EYA3: variants seen among roughly 807,000 people sequenced by gnomAD.
The protein encoded by EYA3 is EYA transcriptional coactivator and phosphatase 3, also known as protein phosphatase EYA3.
In EYA3, 39 loss-of-function variants were observed where a neutral mutation model predicts 80.0. That is an observed-to-expected ratio of 0.49 (90% CI 0.38 to 0.64). The LOEUF (loss-of-function observed/expected upper bound fraction) is 0.64, where lower values mean the gene tolerates loss of function less well. Ranked by LOEUF, EYA3 falls within the 30% of genes least tolerant of loss-of-function variation. The pLI is 0.00. For missense variants in EYA3, 523 were observed against 676.1 expected (o/e 0.77, Z 2.51); for synonymous variants, 206 against 232.8 (o/e 0.88, Z 1.05).
intron 6 of EYA3, among the ~76,000 whole-genome samples, chr1:28,034,600 C>A (rs899686489): frequency 6.6e-6 from 1 of 152,052 alleles, no homozygotes; most frequent in Non-Finnish European, 1.5e-5. Flanking sequence ...CTAGCAGTTA[C>A]CAGGAGCCAA....
chr1:28,073,123 ATATATT>A (rs1389237005), intron 1 of EYA3, among the ~76,000 whole-genome samples: 18 of 41,118 alleles, frequency 4.4e-4, no homozygotes, highest in African/African-American at 2.2e-3. Flanking sequence ...ATATATATAT[ATATATT>A]TTTTTTTTTT....
chr1:28,064,345 G>A (rs547649163), intron 1 of EYA3, among the ~76,000 whole-genome samples: 5 of 148,430 alleles, frequency 3.4e-5, no homozygotes, highest in African/African-American at 1.0e-4. Context: ...TAGGTAGAGA[G>A]GGAAGCAAGC....
intron 10 of EYA3, among the ~76,000 whole-genome samples, chr1:28,006,510 T>A (rs1457485337): frequency 6.6e-6 from 1 of 151,932 alleles, no homozygotes; most frequent in Non-Finnish European, 1.5e-5. Context: ...ATAGAGACCA[T>A]CCTCGCTAAC....
intron 16 of EYA3, among the ~76,000 whole-genome samples, chr1:27,979,812 T>C (rs1467493596): frequency 6.6e-6 from 1 of 152,182 alleles, no homozygotes; most frequent in African/African-American, 2.4e-5. Flanking sequence ...TTGACTGCCA[T>C]CTGCTGGAAA....
At chr1:28,007,076 G>C (rs1425876828) in intron 10 of EYA3, among the ~76,000 whole-genome samples, 2 of 151,306 alleles carry the variant, frequency 1.3e-5, no homozygotes, top group Admixed American at 6.6e-5. Flanking sequence ...AAGTAGCTGG[G>C]ATTACAGGTG....
At chr1:27,985,418 T>C (rs116836793) in intron 16 of EYA3, among the ~76,000 whole-genome samples, 1 of 150,832 alleles carries the variant, frequency 6.6e-6, no homozygotes, top group Non-Finnish European at 1.5e-5. Flanking sequence ...TTAGAAGGAG[T>C]TGATCACTCT....
intron 6 of EYA3, among the ~76,000 whole-genome samples, chr1:28,035,169 T>A (rs1174008080): frequency 6.6e-6 from 1 of 152,116 alleles, no homozygotes; most frequent in Admixed American, 6.5e-5. Context: ...CAGAGCAAAC[T>A]ATGATACATA....
chr1:28,014,472 A>C (rs946290237), intron 8 of EYA3, among the ~76,000 whole-genome samples: 4 of 151,148 alleles, frequency 2.6e-5, no homozygotes, highest in Non-Finnish European at 4.4e-5. Context: ...TCACGCCTAT[A>C]ATTCCAGCAC....
At chr1:28,015,168 C>T (rs1231426254) in intron 8 of EYA3, among the ~76,000 whole-genome samples, 1 of 152,146 alleles carries the variant, frequency 6.6e-6, no homozygotes, top group African/African-American at 2.4e-5. Context: ...AAATACAGAA[C>T]AGACAACTAT....
intron 7 of EYA3, among the ~76,000 whole-genome samples, chr1:28,026,702 T>G (rs986551474): frequency 1.3e-5 from 2 of 151,794 alleles, no homozygotes; most frequent in African/African-American, 4.8e-5. Flanking sequence ...TCTTTCAAGT[T>G]TCTCCCTCCT....
intron 6 of EYA3, among the ~76,000 whole-genome samples, chr1:28,032,502 C>T (rs1421364915): frequency 6.6e-6 from 1 of 152,034 alleles, no homozygotes; most frequent in Non-Finnish European, 1.5e-5. Flanking sequence ...AATGAACATC[C>T]TTAAGGCTCT....
chr1:28,045,875 C>T (rs1643984248), intron 3 of EYA3, among the ~76,000 whole-genome samples: 1 of 152,096 alleles, frequency 6.6e-6, no homozygotes, highest in Non-Finnish European at 1.5e-5. Context: ...ACAACACAAA[C>T]AACAGATGAA....
chr1:27,990,951 G>A (rs1640017323), intron 14 of EYA3, among the ~76,000 whole-genome samples: 1 of 151,878 alleles, frequency 6.6e-6, no homozygotes, highest in Non-Finnish European at 1.5e-5. Context: ...GGGATGTTCA[G>A]GCAAAGATAA....
At chr1:28,060,626 T>C (rs537374) in intron 1 of EYA3, among the ~76,000 whole-genome samples, 11,055 of 152,222 alleles carry the variant, frequency 0.073, 1,253 homozygotes, top group African/African-American at 0.25. Flanking sequence ...TCTGTGAAAA[T>C]AAGCACCCTT....
intron 6 of EYA3, chr1:28,032,033 C>G (rs1441281284): frequency 6.6e-6 from 1 of 152,156 alleles, no homozygotes; most frequent in East Asian, 1.9e-4. Flanking sequence ...GTCCCCCACC[C>G]CCAGGAGGTC....
At chr1:27,976,711 G>A (rs556222377) in intron 17 of EYA3, among the ~76,000 whole-genome samples, 1 of 151,944 alleles carries the variant, frequency 6.6e-6, no homozygotes, top group East Asian at 1.9e-4. Flanking sequence ...TTTTCCAATT[G>A]GTATATACTT....
chr1:28,054,679 C>T lies in EYA3; in HGVS notation c.33+3315G>A, dbSNP rs116267756. The stretch of plus-strand genomic sequence containing the variant: ...TTCGAGACCAGCCTGGGTAACAGGG[C>T]AAAACCCCGTGTCTACTGAAAATAC... On this transcript the variant is annotated intron_variant, in intron 2 of 17. Transcript: ENST00000373871. Among the ~76,000 whole-genome samples the T allele has an allele frequency of 6.5e-3, 991 of 152,142 alleles. 9 individuals carry two copies. Among genetic ancestry groups the T allele is most frequent in the African/African-American group, 0.022 (916 of 41,516 alleles).
In EYA3 at chr1:28,013,242, G is replaced by T. The variant is rs1336454292; in HGVS notation, c.638C>A (p.Pro213His). The T allele has an allele frequency of 1.9e-6, 3 of 1,614,130 alleles. No individual in the cohort carries two copies. The highest frequency in any genetic ancestry group is 2.5e-6 in the Non-Finnish European group (3 of 1,179,990). ...LGQNQYQACY[P>H]SSSFGVTGQT... ...ACCTGTGACTCCAAAGCTGGAGCTG[G>T]GGTAGCAGGCCTGGTACTGATTCTG... Residue 213 changes from proline (P) to histidine (H), a missense_variant, in exon 9 of 18, where the codon CCC (proline) becomes CAC (histidine). Around this residue, in one of 2 missense-constraint regions of EYA3, gnomAD observed 304 missense variants for 343.3 expected, o/e 0.89. Coordinates refer to ENST00000373871, the MANE Select transcript of EYA3 (RefSeq NM_001990.4). This position sits in a 1 kb window ranked among gnomAD's most constrained non-coding sequence, Gnocchi z 4.0.
intron 6 of EYA3, among the ~76,000 whole-genome samples, chr1:28,029,580 T>A (rs1456564417): frequency 6.6e-6 from 1 of 151,030 alleles, no homozygotes. Context: ...AGCCTACTTT[T>A]AAAAAGAAAA....
Sources: gnomAD v4.1 joint callset for allele counts (sites outside exome capture counted in the v4.1 genomes callset) on GRCh38, gnomAD v4.1.1 for gene constraint, gnomAD v4.1.1 regional missense constraint, Gnocchi (gnomAD v3.1) non-coding constraint, MANE v1.5 for transcripts, NCBI Gene and HGNC (gene_info 2026-07-23, HGNC 2026-07-21) for gene names.